Variants in HIF1A observed in about 807,000 individuals in gnomAD.
HIF1A encodes hypoxia inducible factor 1 subunit alpha.
In HIF1A, 24 loss-of-function variants were observed where a neutral mutation model predicts 92.7. The ratio of observed to expected loss-of-function variants is 0.26; its 90% CI spans 0.19 to 0.36. The LOEUF is 0.36. Ranked by LOEUF, HIF1A falls within the 10% of genes least tolerant of loss-of-function variation. HIF1A has a pLI of 1.00. For synonymous variants in HIF1A, 319 were observed against 338.7 expected, an observed-to-expected ratio of 0.94 and a Z score of 0.64; for missense variants, 799 against 998.5, an observed-to-expected ratio of 0.80 and a Z score of 2.69.
chr14:61,745,591 C>T, intron 13 of HIF1A, 100 bp from the exon 14 acceptor site: 1 of 910,746 alleles, frequency 1.1e-6, no homozygotes. Context: ...ATTTAAGAAA[C>T]TGCCTATAAT....
chr14:61,708,574 T>G (rs2044270771), intron 1 of HIF1A, among the ~76,000 whole-genome samples: 1 of 151,838 alleles, frequency 6.6e-6, no homozygotes, highest in South Asian at 2.1e-4. Flanking sequence ...CTTTCCCCAT[T>G]TCTTGTTTTT....
chr14:61,734,456 A>G (rs1015395890), intron 8 of HIF1A, among the ~76,000 whole-genome samples, 171 bp downstream of exon 8: 4 of 152,198 alleles, frequency 2.6e-5, no homozygotes, highest in African/African-American at 7.2e-5. Flanking sequence ...CAGTCCAGCT[A>G]TTCCACAGTG....
chr14:61,745,104 CCCTTT>C (rs2044762445), intron 13 of HIF1A, among the ~76,000 whole-genome samples: 1 of 152,146 alleles, frequency 6.6e-6, no homozygotes, highest in East Asian at 1.9e-4. Context: ...TCATTCTCTT[CCCTTT>C]AAGTTACTTT....
chr14:61,707,837 G>A (rs979882799), intron 1 of HIF1A, among the ~76,000 whole-genome samples: 32 of 151,446 alleles, frequency 2.1e-4, no homozygotes, highest in African/African-American at 5.3e-4. Context: ...TGGGATGGCT[G>A]GGTCAAATGG....
At chr14:61,708,133 T>C (rs1374169284) in intron 1 of HIF1A, among the ~76,000 whole-genome samples, 4 of 152,238 alleles carry the variant, frequency 2.6e-5, no homozygotes, top group Non-Finnish European at 5.9e-5. Flanking sequence ...TCATATCGTT[T>C]GCCCACTTTT....
intron 4 of HIF1A, among the ~76,000 whole-genome samples, chr14:61,723,927 T>C (rs2044465885): frequency 6.6e-6 from 1 of 152,250 alleles, no homozygotes; most frequent in Admixed American, 6.5e-5. Context: ...TTTTCTCTTT[T>C]AGAAATCAGG....
intron 12 of HIF1A, among the ~76,000 whole-genome samples, chr14:61,741,825 A>G (rs1358918326): frequency 6.6e-6 from 1 of 152,098 alleles, no homozygotes; most frequent in African/African-American, 2.4e-5. Flanking sequence ...CTAGTTAACT[A>G]CCCTCACTAC....
At chr14:61,741,461 G>A (rs1047630105) in intron 12 of HIF1A, among the ~76,000 whole-genome samples, 1 of 151,492 alleles carries the variant, frequency 6.6e-6, no homozygotes, top group Non-Finnish European at 1.5e-5. Flanking sequence ...TGCCTCCTGG[G>A]TGCAAGAGAT....
chr14:61,711,510 A>T (rs937608518), intron 1 of HIF1A, among the ~76,000 whole-genome samples: 3 of 152,204 alleles, frequency 2.0e-5, no homozygotes, highest in Non-Finnish European at 4.4e-5. Context: ...TCTTTTCAGC[A>T]AATTGGCTTT....
intron 13 of HIF1A, 24 bp downstream of exon 13, chr14:61,744,837 C>T: frequency 9.2e-7 from 1 of 1,087,612 alleles, no homozygotes; most frequent in East Asian, 2.4e-5. Context: ...GTAGGTTTTG[C>T]TTTTCTAGCT....
intron 3 of HIF1A, 30 bp downstream of exon 3, chr14:61,721,684 T>TA: frequency 1.9e-6 from 3 of 1,607,892 alleles, no homozygotes; most frequent in Non-Finnish European, 2.6e-6. Flanking sequence ...AGAGCTCTTC[T>TA]ATATGTTTTT....
intron 12 of HIF1A, among the ~76,000 whole-genome samples, chr14:61,741,420 G>A (rs920365933): frequency 1.3e-5 from 2 of 149,642 alleles, no homozygotes; most frequent in African/African-American, 4.9e-5. Flanking sequence ...GAGTGCAATG[G>A]CATGGCACCA....
rs188300119 is a variant in HIF1A at position 61,703,176 on chromosome 14, T to G, written c.35+7337T>G. Among the ~76,000 whole-genome samples the G allele has an allele frequency of 3.5e-4, 53 of 152,320 alleles. No homozygotes were observed. The East Asian group carries it at 6.0e-3, about 17-fold the overall frequency. ...TTTCTTAATAATAAATTAGAAGAAG[T>G]AGAATTACAGGGTCAAAAAGTATCC... On this transcript the variant is annotated intron_variant, in intron 1 of 14. Coordinates refer to ENST00000337138, the MANE Select transcript of HIF1A (RefSeq NM_001530.4).
At chr14:61,744,876 TG>T in intron 13 of HIF1A, 63 bp downstream of exon 13, 1 of 638,422 alleles carries the variant, frequency 1.6e-6, no homozygotes, top group Non-Finnish European at 2.8e-6. Context: ...TGTGTGTGTG[TG>T]TGTGTGTGTG....
At position 61,744,699 on chromosome 14, in the gene HIF1A, T is replaced by C; in HGVS notation, c.2094-6T>C. 7.3e-7 allele frequency: 1 copy of C among 1,361,670 alleles called. No individual in the cohort carries two copies. Among genetic ancestry groups the C allele is most frequent in the Non-Finnish European group, 1.0e-6 (1 of 976,746 alleles). 84.3% of individuals were successfully genotyped at this position (1,361,670 alleles called of 1,614,324 possible). A position where few individuals can be genotyped will look rare whatever the true frequency, so the allele number is the denominator to read the frequency against. On this transcript the variant is annotated splice_region_variant and splice_polypyrimidine_tract_variant and intron_variant, in intron 12 of 14. Coordinates refer to ENST00000337138, the MANE Select transcript of HIF1A (RefSeq NM_001530.4). ...ATATTTTCATTTAGAATTTTTTTCT[T>C]TTCAGAACTACAGTTCCTGAGGAAG...
At position 61,721,513 on chromosome 14, in the gene HIF1A, T is replaced by C. The variant is rs1269331691; in HGVS notation, c.231T>C (p.Asp77=). 7 of 1,612,052 alleles carry C rather than the reference T, an allele frequency of 4.3e-6. No individual in the cohort carries two copies. Among genetic ancestry groups the C allele is most frequent in the Non-Finnish European group, 5.9e-6 (7 of 1,178,712 alleles). Residue 77 remains aspartate (D), a synonymous_variant, in exon 3 of 15, where the codon GAT becomes GAC. Transcript: ENST00000337138. ...LRVRKLLDAG[D]LDIEDDMKAQ... The stretch of plus-strand genomic sequence containing the variant: ...CTCTTCTTGTGCCCTTTTTAGGTGA[T>C]TTGGATATTGAAGATGACATGAAAG...
intron 1 of HIF1A, 57 bp downstream of exon 1, chr14:61,695,896 C>G: frequency 2.0e-6 from 3 of 1,499,596 alleles, no homozygotes; most frequent in Admixed American, 2.0e-5. Flanking sequence ...CCCGCCTGCC[C>G]GCCCTGGGCT....
chr14:61,721,202 C>G (rs1375007054), intron 2 of HIF1A, among the ~76,000 whole-genome samples: 1 of 152,200 alleles, frequency 6.6e-6, no homozygotes, highest in African/African-American at 2.4e-5. Flanking sequence ...GATCAAGCCA[C>G]TGCACTCCAG....
chr14:61,695,730 G>A lies in HIF1A; in HGVS notation c.-75G>A. 6.7e-7 allele frequency: 1 copy of A among 1,492,890 alleles called. No homozygotes were observed. The highest frequency in any genetic ancestry group is 2.0e-5 in the Admixed American group (1 of 50,130). The allele number at this position is 1,492,890 out of a possible 1,614,324, so 92.5% of individuals were successfully genotyped here. A position where few individuals can be genotyped will look rare whatever the true frequency, so the allele number is the denominator to read the frequency against. On this transcript the variant is annotated 5_prime_UTR_variant, in exon 1 of 15. Transcript: ENST00000337138. ...GCCTTTCCTTCTCTTCTCCGCGTGT[G>A]GAGGGAGCCAGCGCTTAGGCCGGAG...
Sources: gnomAD v4.1 joint callset for allele counts (sites outside exome capture counted in the v4.1 genomes callset) on GRCh38, gnomAD v4.1.1 for gene constraint, MANE v1.5 for transcripts, NCBI Gene and HGNC (gene_info 2026-07-23, HGNC 2026-07-21) for gene names.